The following CADM2 variants were observed in gnomAD, a reference collection of about 807,000 sequenced individuals.
CADM2 encodes immunoglobulin superfamily member 4D.
In CADM2, 12 loss-of-function variants were observed where a neutral mutation model predicts 49.8. The ratio of observed to expected loss-of-function variants is 0.24; its 90% CI spans 0.15 to 0.39. The LOEUF is 0.39. CADM2 is among the 10% of genes least tolerant of loss of function. CADM2 has a pLI of 1.00. For missense variants in CADM2, 378 were observed against 492.3 expected, an observed-to-expected ratio of 0.77 and a Z score of 2.20; for synonymous variants, 214 against 175.4, an observed-to-expected ratio of 1.22 and a Z score of -1.74.
At chr3:85,389,120 A>G (rs1459099224) in intron 1 of CADM2, among the ~76,000 whole-genome samples, 1 of 152,062 alleles carries the variant, frequency 6.6e-6, no homozygotes, top group East Asian at 1.9e-4. Context: ...TCTCCTGGGC[A>G]TATGTCACTT....
chr3:85,483,742 A>G (rs2039306871), intron 1 of CADM2, among the ~76,000 whole-genome samples: 1 of 151,136 alleles, frequency 6.6e-6, no homozygotes, highest in African/African-American at 2.4e-5. Flanking sequence ...TTGATGTTAT[A>G]TAATGTTGAA....
At chr3:85,998,019 A>G (rs1729645819) in intron 8 of CADM2, among the ~76,000 whole-genome samples, 1 of 152,192 alleles carries the variant, frequency 6.6e-6, no homozygotes, top group Admixed American at 6.5e-5. Flanking sequence ...GACCCATGAA[A>G]AGGTTTTCAT....
intron 1 of CADM2, among the ~76,000 whole-genome samples, chr3:85,429,456 C>T (rs1429919549): frequency 3.9e-5 from 6 of 151,908 alleles, no homozygotes; most frequent in Admixed American, 2.6e-4. Flanking sequence ...AATTATATAT[C>T]GTTAAATATA....
At chr3:85,043,159 T>A (rs1240713239) in intron 1 of CADM2, among the ~76,000 whole-genome samples, 3 of 152,010 alleles carry the variant, frequency 2.0e-5, no homozygotes, top group African/African-American at 4.8e-5. Flanking sequence ...CAACATCAAT[T>A]CCAAGTCTTT....
At chr3:85,544,620 T>A (rs752576061) in intron 1 of CADM2, among the ~76,000 whole-genome samples, 54 of 152,178 alleles carry the variant, frequency 3.5e-4, no homozygotes, top group Non-Finnish European at 6.0e-4. Context: ...AAACATTGCA[T>A]GTTTAGAGGT....
intron 1 of CADM2, among the ~76,000 whole-genome samples, chr3:85,367,875 C>T (rs976176583): frequency 2.6e-5 from 4 of 151,464 alleles, no homozygotes; most frequent in African/African-American, 4.9e-5. Flanking sequence ...TAATTAGACA[C>T]GCAGATACAG....
intron 3 of CADM2, among the ~76,000 whole-genome samples, chr3:85,853,312 A>G (rs2075177453): frequency 6.6e-6 from 1 of 152,008 alleles, no homozygotes; most frequent in Non-Finnish European, 1.5e-5. Context: ...AACAACAACA[A>G]CAACAACACA....
At chr3:85,979,221 T>C (rs1187537423) in intron 8 of CADM2, 3 of 1,610,924 alleles carry the variant, frequency 1.9e-6, no homozygotes, top group African/African-American at 2.7e-5. Flanking sequence ...ACTGCAACAG[T>C]CACAACCACT....
chr3:85,296,334 T>C (rs1387401071), intron 1 of CADM2, among the ~76,000 whole-genome samples: 1 of 152,072 alleles, frequency 6.6e-6, no homozygotes, highest in Non-Finnish European at 1.5e-5. Context: ...TAGGCAATAA[T>C]TGATAACTCA....
intron 1 of CADM2, among the ~76,000 whole-genome samples, chr3:85,259,697 A>T (rs2042970342): frequency 6.6e-6 from 1 of 152,166 alleles, no homozygotes; most frequent in South Asian, 2.1e-4. Context: ...AAATCACTCA[A>T]ACCAAAGGAG....
intron 1 of CADM2, among the ~76,000 whole-genome samples, chr3:85,596,784 T>A (rs1293063258): frequency 6.6e-6 from 1 of 152,088 alleles, no homozygotes; most frequent in Non-Finnish European, 1.5e-5. Flanking sequence ...TGGCCCGATC[T>A]TAACTCAATT....
intron 1 of CADM2, among the ~76,000 whole-genome samples, chr3:85,712,665 A>G (rs1355686158): frequency 1.3e-5 from 2 of 152,174 alleles, no homozygotes; most frequent in African/African-American, 4.8e-5. Flanking sequence ...ATATTAGACT[A>G]ATAATTGTAA....
chr3:85,445,513 A>C (rs1245205910), intron 1 of CADM2, among the ~76,000 whole-genome samples: 1 of 152,060 alleles, frequency 6.6e-6, no homozygotes, highest in East Asian at 1.9e-4. Context: ...CTTAGCTTGA[A>C]TTTGATTTGA....
At chr3:85,835,427 T>C (rs1350667544) in intron 3 of CADM2, among the ~76,000 whole-genome samples, 1 of 151,172 alleles carries the variant, frequency 6.6e-6, no homozygotes, top group Non-Finnish European at 1.5e-5. Flanking sequence ...TGGGCATTTT[T>C]CATTTTGGAA....
intron 3 of CADM2, among the ~76,000 whole-genome samples, chr3:85,882,839 C>G (rs903164445): frequency 1.3e-5 from 2 of 152,168 alleles, no homozygotes; most frequent in African/African-American, 4.8e-5. Flanking sequence ...TCAAGTGCCT[C>G]TACTGCAGAG....
chr3:85,077,724 AT>A (rs1365474917), intron 1 of CADM2, among the ~76,000 whole-genome samples: 14 of 152,270 alleles, frequency 9.2e-5, no homozygotes, highest in African/African-American at 3.1e-4. Context: ...GAGATTATAT[AT>A]TTAATTCAAT....
intron 1 of CADM2, among the ~76,000 whole-genome samples, chr3:85,006,929 C>T (rs1163798543): frequency 6.6e-6 from 1 of 151,990 alleles, no homozygotes; most frequent in African/African-American, 2.4e-5. Flanking sequence ...TACATTCGTG[C>T]ATTGATTATC....
chr3:85,146,798 G>C (rs2039757131), intron 1 of CADM2, among the ~76,000 whole-genome samples: 1 of 152,138 alleles, frequency 6.6e-6, no homozygotes, highest in African/African-American at 2.4e-5. Flanking sequence ...TGAAGATTGA[G>C]AATAATTGTA....
chr3:86,006,981 A>G (rs1405045418), intron 8 of CADM2, among the ~76,000 whole-genome samples: 2 of 152,134 alleles, frequency 1.3e-5, no homozygotes, highest in Non-Finnish European at 2.9e-5. Flanking sequence ...TGGAAGTTGC[A>G]GTGGGCCGAG....
Sources: gnomAD v4.1 joint callset for allele counts (sites outside exome capture counted in the v4.1 genomes callset) on GRCh38, gnomAD v4.1.1 for gene constraint, MANE v1.5 for transcripts, NCBI Gene and HGNC (gene_info 2026-07-23, HGNC 2026-07-21) for gene names.